The following CATSPERB variants were observed in gnomAD, a reference collection of about 807,000 sequenced individuals.
The protein encoded by CATSPERB is catsper channel auxiliary subunit beta, also known as cation channel sperm-associated auxiliary subunit beta.
CATSPERB carries 93 observed loss-of-function variants against 128.3 expected under a neutral mutation model. The ratio of observed to expected loss-of-function variants is 0.72; its 90% CI spans 0.61 to 0.86. The LOEUF is 0.86. CATSPERB is among the 40% of genes least tolerant of loss of function. The probability of loss-of-function intolerance (pLI) is 0.00; values close to 1 mark genes in which losing one functional copy is unlikely to be tolerated. For missense variants in CATSPERB, 1,153 were observed against 1,329.5 expected (o/e 0.87, Z 2.06); for synonymous variants, 381 against 448.8 (o/e 0.85, Z 1.91).
At chr14:91,603,882 C>T (rs1052776216) in intron 22 of CATSPERB, among the ~76,000 whole-genome samples, 1 of 152,088 alleles carries the variant, frequency 6.6e-6, no homozygotes, top group Non-Finnish European at 1.5e-5. Context: ...CTGGGGATTA[C>T]AATTCGACAT....
At chr14:91,710,788 C>A (rs918480773) in intron 5 of CATSPERB, among the ~76,000 whole-genome samples, 1 of 152,158 alleles carries the variant, frequency 6.6e-6, no homozygotes, top group Non-Finnish European at 1.5e-5. Context: ...TTTCATGGAG[C>A]CTTTCCTGTA....
At chr14:91,584,355 C>T (rs1012714381) in intron 26 of CATSPERB, among the ~76,000 whole-genome samples, 1 of 152,208 alleles carries the variant, frequency 6.6e-6, no homozygotes, top group African/African-American at 2.4e-5. Flanking sequence ...AGGCATGAGC[C>T]ACCATGCCCA....
chr14:91,589,064 A>T (rs1255021868), intron 24 of CATSPERB, among the ~76,000 whole-genome samples: 8 of 152,222 alleles, frequency 5.3e-5, no homozygotes, highest in Admixed American at 5.2e-4. Flanking sequence ...ATAGGGGTAA[A>T]CATCTTATTT....
chr14:91,721,188 A>G (rs190555277), intron 4 of CATSPERB, among the ~76,000 whole-genome samples: 1 of 152,326 alleles, frequency 6.6e-6, no homozygotes, highest in East Asian at 1.9e-4. Flanking sequence ...TCTACACATG[A>G]CACCAAAAGC....
chr14:91,621,409 TAAATAAATA>T (rs1341217105), intron 19 of CATSPERB, among the ~76,000 whole-genome samples, 190 bp downstream of exon 19: 1 of 151,980 alleles, frequency 6.6e-6, no homozygotes, highest in Non-Finnish European at 1.5e-5. Context: ...CACAAATAAA[TAAATAAATA>T]AAATAATAGT....
rs553433185 is a variant in CATSPERB, at chr14:91,603,840, C to T, written c.2709+4454G>A. On this transcript the variant is annotated intron_variant, in intron 22 of 26. Coordinates refer to ENST00000256343, the MANE Select transcript of CATSPERB (RefSeq NM_024764.4). ...GTGCTAAACCATTCGTGAGAGACTGCCCCCATCATACATGAGGCCTCACCT... is the reference window on the plus strand; with the variant it reads ...GTGCTAAACCATTCGTGAGAGACTGTCCCCATCATACATGAGGCCTCACCT... Among the ~76,000 whole-genome samples the T allele has an allele frequency of 2.0e-5, 3 of 152,250 alleles. No homozygotes were observed. In the South Asian group the frequency reaches 6.2e-4, roughly 32 times the overall value.
intron 7 of CATSPERB, among the ~76,000 whole-genome samples, chr14:91,694,519 G>T (rs1895527082): frequency 6.8e-6 from 1 of 147,058 alleles, no homozygotes; most frequent in Non-Finnish European, 1.5e-5. Flanking sequence ...AAGCATAAGA[G>T]AACAGAGGAA....
Position 91,669,761 on chromosome 14 carries a change from C to T in CATSPERB, c.1287+53G>A, listed in dbSNP as rs867352555. ...TCTTAATGTACAGCCATGCAGCATA[C>T]AGTAGGTGGATGATTTAACTCTAAC... On this transcript the variant is annotated intron_variant, in intron 14 of 26. Coordinates refer to ENST00000256343, the MANE Select transcript of CATSPERB (RefSeq NM_024764.4). The T allele has an allele frequency of 5.9e-6, 9 of 1,528,818 alleles. No individual in the cohort carries two copies. The Middle Eastern group carries it at 1.2e-3, about 205-fold the overall frequency. 94.7% of individuals were successfully genotyped at this position (1,528,818 alleles called of 1,614,324 possible).
At chr14:91,694,217 G>C (rs1448554149) in intron 7 of CATSPERB, among the ~76,000 whole-genome samples, 1 of 152,058 alleles carries the variant, frequency 6.6e-6, no homozygotes, top group African/African-American at 2.4e-5. Context: ...GGCCAAGGCA[G>C]GAGGATCACT....
Position 91,593,369 on chromosome 14 carries a change from G to A in CATSPERB, c.2710-1367C>T, listed in dbSNP as rs142115133. Reference sequence around the variant, plus strand: ...AGCTGCAGACACTCAACATCAGCCCGTGAAAGCAGCCAGGATGGAGGCTGT... The same window carrying A: ...AGCTGCAGACACTCAACATCAGCCCATGAAAGCAGCCAGGATGGAGGCTGT... On this transcript the variant is annotated intron_variant, in intron 22 of 26. Coordinates refer to ENST00000256343, the MANE Select transcript of CATSPERB (RefSeq NM_024764.4). Among the ~76,000 whole-genome samples the A allele has an allele frequency of 6.7e-3, 1,022 of 152,326 alleles. 2 individuals are homozygous for A. The highest frequency in any genetic ancestry group is 0.012 in the African/African-American group (506 of 41,576).
rs937445797 is a variant in CATSPERB at position 91,598,813 on chromosome 14, G to A, written c.2710-6811C>T. ...GTGGAGCTTGCAGTGAGCCGAGATCGCACCACTGCACTCCAGCCTGGGCAA... is the reference window on the plus strand; with the variant it reads ...GTGGAGCTTGCAGTGAGCCGAGATCACACCACTGCACTCCAGCCTGGGCAA... On this transcript the variant is annotated intron_variant, in intron 22 of 26. Coordinates refer to ENST00000256343, the MANE Select transcript of CATSPERB (RefSeq NM_024764.4). Among the ~76,000 whole-genome samples the A allele has an allele frequency of 1.1e-4, 15 of 133,762 alleles. No homozygotes were observed. In the South Asian group the frequency reaches 1.9e-3, roughly 17 times the overall value. 87.8% of individuals were successfully genotyped at this position (133,762 alleles called of 152,430 possible).
Position 91,621,624 on chromosome 14 carries a change from G to A in CATSPERB, c.2244C>T (p.Val748=). 6.3e-7 allele frequency: 1 copy of A among 1,597,990 alleles called. No homozygotes were observed. The highest frequency in any genetic ancestry group is 1.1e-5 in the South Asian group (1 of 89,068). The change falls in exon 19 of 27, where the codon GTC becomes GTT. Residue 748 remains valine (V), a synonymous_variant. Coordinates refer to ENST00000256343, the MANE Select transcript of CATSPERB (RefSeq NM_024764.4). ...LGNSYVLKAK[V]IRNAKGFRML... Reference sequence around the variant, plus strand: ...CAAACTTACCTTTTGCATTCCGTATGACCTTAGCTTTTAAAACATAAGAGT... The same window carrying A: ...CAAACTTACCTTTTGCATTCCGTATAACCTTAGCTTTTAAAACATAAGAGT...
intron 21 of CATSPERB, among the ~76,000 whole-genome samples, chr14:91,609,256 C>T (rs1314002304): frequency 4.0e-5 from 6 of 151,894 alleles, no homozygotes; most frequent in Admixed American, 3.3e-4. Flanking sequence ...ACTTCCAGCA[C>T]CACTTCATAT....
In CATSPERB at chr14:91,674,215, A is replaced by T; in HGVS notation, c.939T>A (p.Tyr313Ter). Residue 313 changes from tyrosine (Y) to a stop codon, truncating the protein, a stop_gained, in exon 12 of 27, where the codon TAT (tyrosine) becomes TAA (stop). Transcript: ENST00000256343. LOFTEE classifies it high-confidence loss of function. ...TGTTTCTCTCAAAGGTAACTGTAAC[A>T]TAATCAACTGTGAAATAAATACAAG... is the stretch of plus-strand genomic sequence containing the variant. ...FANREHFEVD[Y>*]VTVTFERNRT... The T allele has an allele frequency of 6.5e-7, 1 of 1,537,262 alleles. No homozygotes were observed. The highest frequency in any genetic ancestry group is 8.9e-7 in the Non-Finnish European group (1 of 1,120,000).
chr14:91,677,478 TAAAG>T (rs1339933659), intron 11 of CATSPERB, among the ~76,000 whole-genome samples: 1 of 152,120 alleles, frequency 6.6e-6, no homozygotes, highest in African/African-American at 2.4e-5. Context: ...CACTAATCAT[TAAAG>T]AAATGCAAAT....
At chr14:91,700,347 C>T (rs915130769) in intron 7 of CATSPERB, among the ~76,000 whole-genome samples, 5 of 152,132 alleles carry the variant, frequency 3.3e-5, no homozygotes, top group African/African-American at 9.7e-5. Context: ...CTACATTCAT[C>T]AAAATATTGG....
At chr14:91,715,992 G>A (rs2139774593) in intron 5 of CATSPERB, among the ~76,000 whole-genome samples, 1 of 152,214 alleles carries the variant, frequency 6.6e-6, no homozygotes, top group Middle Eastern at 3.4e-3. Context: ...GAAAATATAG[G>A]AGAATATCTT....
At chr14:91,591,183 T>G (rs1893393338) in intron 23 of CATSPERB, among the ~76,000 whole-genome samples, 1 of 152,154 alleles carries the variant, frequency 6.6e-6, no homozygotes, top group Non-Finnish European at 1.5e-5. Context: ...GCCTCCTGAG[T>G]AGCTGGGACT....
At chr14:91,615,545 T>C (rs573080111) in intron 20 of CATSPERB, among the ~76,000 whole-genome samples, 1 of 152,208 alleles carries the variant, frequency 6.6e-6, no homozygotes, top group Non-Finnish European at 1.5e-5. Flanking sequence ...GGATGTGTGG[T>C]ATTTATCTTT....
Sources: gnomAD v4.1 joint callset for allele counts (sites outside exome capture counted in the v4.1 genomes callset) on GRCh38, gnomAD v4.1.1 for gene constraint, MANE v1.5 for transcripts, NCBI Gene and HGNC (gene_info 2026-07-23, HGNC 2026-07-21) for gene names.